OXR1: variants seen among roughly 807,000 people sequenced by gnomAD.
OXR1 encodes the protein oxidation resistance 1, also known as oxidation resistance protein 1.
Under a neutral mutation model 104.6 loss-of-function variants are expected in OXR1, and 41 were observed. That is an observed-to-expected ratio of 0.39 (90% CI 0.31 to 0.51). OXR1 has a LOEUF of 0.51. Among genes scored for constraint, OXR1 ranks in the 20% least tolerant of loss-of-function variants. The pLI, the probability that OXR1 is intolerant of heterozygous loss-of-function variation, is 0.77. For missense variants in OXR1, 955 were observed against 1,031.9 expected (o/e 0.93, Z 1.02); for synonymous variants, 348 against 348.4 (o/e 1.00, Z 0.01).
intron 1 of OXR1, among the ~76,000 whole-genome samples, chr8:106,304,506 T>C (rs1411464092): frequency 6.6e-6 from 1 of 152,182 alleles, no homozygotes; most frequent in Admixed American, 6.5e-5. Flanking sequence ...GAGCCACATA[T>C]ATAATTTTAA....
chr8:106,433,715 A>C (rs1444826090), intron 2 of OXR1, among the ~76,000 whole-genome samples: 2 of 152,188 alleles, frequency 1.3e-5, no homozygotes, highest in East Asian at 1.9e-4. Flanking sequence ...TGAGCTCTTT[A>C]TCTGTATATC....
At chr8:106,571,182 C>G (rs146342464) in intron 3 of OXR1, among the ~76,000 whole-genome samples, 1 of 151,786 alleles carries the variant, frequency 6.6e-6, no homozygotes, top group African/African-American at 2.4e-5. Context: ...TTAGTTAGTT[C>G]GGGCTGCTGT....
rs1336944417 is a variant in OXR1, at chr8:106,679,141, A to G, written c.221-69A>G. On this transcript the variant is annotated intron_variant, in intron 3 of 16. Transcript: ENST00000517566. ...ATTAGACATCTGCCCAAAGAGCTCT[A>G]TTCAGTAGTCCTTGACATTACTCTG... 1.2e-5 allele frequency: 11 copies of G among 897,540 alleles called. No individual in the cohort carries two copies. The Admixed American group carries it at 1.9e-4, about 16-fold the overall frequency. The allele number at this position is 897,540 out of a possible 1,614,324, so 55.6% of individuals were successfully genotyped here. A position where few individuals can be genotyped will look rare whatever the true frequency, so the allele number is the denominator to read the frequency against.
intron 11 of OXR1, among the ~76,000 whole-genome samples, chr8:106,719,026 G>GAA (rs1328047431): frequency 3.9e-5 from 6 of 152,074 alleles, no homozygotes; most frequent in African/African-American, 7.2e-5. Context: ...TTGCTTTTGG[G>GAA]GATCTGATAA....
intron 2 of OXR1, among the ~76,000 whole-genome samples, chr8:106,405,875 C>T (rs1301706848): frequency 1.3e-5 from 2 of 152,008 alleles, no homozygotes; most frequent in Admixed American, 6.6e-5. Context: ...TGCTTTAAAC[C>T]ACTAAGTTTT....
intron 1 of OXR1, among the ~76,000 whole-genome samples, chr8:106,308,102 T>C (rs943855846): frequency 1.3e-5 from 2 of 152,100 alleles, no homozygotes; most frequent in African/African-American, 4.8e-5. Context: ...CACAATCTGT[T>C]GTCTGCAAGC....
At chr8:106,451,907 ATGTG>A (rs1820333870) in intron 2 of OXR1, among the ~76,000 whole-genome samples, 1 of 152,332 alleles carries the variant, frequency 6.6e-6, no homozygotes, top group Admixed American at 6.5e-5. Flanking sequence ...TTAAAAACAA[ATGTG>A]TGTAACAGCA....
intron 2 of OXR1, among the ~76,000 whole-genome samples, chr8:106,386,544 G>A (rs1044229577): frequency 2.9e-4 from 44 of 152,202 alleles, no homozygotes; most frequent in African/African-American, 1.0e-3. Flanking sequence ...AACATTGCCT[G>A]TTATGTGAAT....
At chr8:106,517,723 T>C (rs904039344) in intron 2 of OXR1, among the ~76,000 whole-genome samples, 2 of 152,230 alleles carry the variant, frequency 1.3e-5, no homozygotes, top group Admixed American at 6.5e-5. Flanking sequence ...CTTAAAAATG[T>C]ACTTGTTGCC....
intron 3 of OXR1, among the ~76,000 whole-genome samples, chr8:106,553,308 T>A (rs1395612749): frequency 7.2e-6 from 1 of 139,300 alleles, no homozygotes; most frequent in Non-Finnish European, 1.5e-5. Flanking sequence ...AAACTTTTCA[T>A]GCAATTTTCT....
chr8:106,352,866 G>A (rs914141499), intron 1 of OXR1, among the ~76,000 whole-genome samples: 3 of 152,116 alleles, frequency 2.0e-5, no homozygotes, highest in African/African-American at 4.8e-5. Flanking sequence ...ATTCTTCAGC[G>A]AATATCCTTT....
chr8:106,676,541 T>C (rs1026127490), intron 3 of OXR1, among the ~76,000 whole-genome samples: 1 of 152,166 alleles, frequency 6.6e-6, no homozygotes, highest in Non-Finnish European at 1.5e-5. Context: ...TTATTTCTCC[T>C]TCCCTTATAT....
intron 3 of OXR1, among the ~76,000 whole-genome samples, chr8:106,522,107 A>T (rs1813304769): frequency 6.6e-6 from 1 of 152,210 alleles, no homozygotes; most frequent in African/African-American, 2.4e-5. Context: ...ATAAAAAATA[A>T]TAACTAGAAA....
At chr8:106,378,015 T>A (rs1816980492) in intron 2 of OXR1, among the ~76,000 whole-genome samples, 1 of 152,230 alleles carries the variant, frequency 6.6e-6, no homozygotes, top group African/African-American at 2.4e-5. Flanking sequence ...GTGTTCTTTT[T>A]GTCTAGTACT....
At chr8:106,685,703 A>G (rs2131253188) in intron 6 of OXR1, among the ~76,000 whole-genome samples, 1 of 152,222 alleles carries the variant, frequency 6.6e-6, no homozygotes, top group South Asian at 2.1e-4. Context: ...GATTAAAAAA[A>G]AAAAAAAGAG....
intron 3 of OXR1, among the ~76,000 whole-genome samples, chr8:106,615,856 T>C (rs1249107102): frequency 3.3e-5 from 5 of 152,142 alleles, no homozygotes; most frequent in Non-Finnish European, 7.3e-5. Context: ...GGTGGTTGTG[T>C]GCATAACATG....
At chr8:106,515,260 C>T (rs1009338694) in intron 2 of OXR1, among the ~76,000 whole-genome samples, 2 of 152,012 alleles carry the variant, frequency 1.3e-5, no homozygotes, top group Non-Finnish European at 2.9e-5. Context: ...ATATGCTGTG[C>T]AATGGCTTAA....
rs568739868 is a variant in OXR1 at position 106,352,687 on chromosome 8, A to G, written c.-138-6789A>G. ...ATGTGTATTGATGGGGAAATATTGTATATGTACATGACTTTATGACTGTAT... is the reference window on the plus strand; with the variant it reads ...ATGTGTATTGATGGGGAAATATTGTGTATGTACATGACTTTATGACTGTAT... On this transcript the variant is annotated intron_variant, in intron 1 of 16. Coordinates refer to ENST00000517566, the MANE Select transcript of OXR1 (RefSeq NM_001198533.2). Among the ~76,000 whole-genome samples the G allele has an allele frequency of 9.8e-5, 15 of 152,314 alleles. No individual in the cohort carries two copies. The South Asian group carries it at 2.9e-3, about 29-fold the overall frequency.
chr8:106,451,763 A>C (rs1047367051), intron 2 of OXR1, among the ~76,000 whole-genome samples: 6 of 152,214 alleles, frequency 3.9e-5, no homozygotes, highest in African/African-American at 1.4e-4. Flanking sequence ...TTGGTTCAAC[A>C]TACATTTCTT....
Sources: allele counts gnomAD v4.1 joint callset (sites outside exome capture counted in the v4.1 genomes callset), GRCh38; gene constraint gnomAD v4.1.1; transcripts MANE v1.5; gene names NCBI Gene and HGNC (gene_info 2026-07-23, HGNC 2026-07-21).